Variants in SEMA3C observed in about 807,000 individuals in gnomAD.
The protein encoded by SEMA3C is semaphorin 3C.
In SEMA3C, 47 loss-of-function variants were observed where a neutral mutation model predicts 89.4. The ratio of observed to expected loss-of-function variants is 0.53; its 90% CI spans 0.42 to 0.67. The LOEUF is 0.67. Ranked by LOEUF, SEMA3C falls within the 30% of genes least tolerant of loss-of-function variation. The pLI, the probability that SEMA3C is intolerant of heterozygous loss-of-function variation, is 0.00. For missense variants in SEMA3C, 839 were observed against 929.1 expected, an observed-to-expected ratio of 0.90 and a Z score of 1.26; for synonymous variants, 310 against 320.2, an observed-to-expected ratio of 0.97 and a Z score of 0.34.
chr7:80,797,318 A>C (rs1789088424), intron 11 of SEMA3C, among the ~76,000 whole-genome samples: 1 of 152,162 alleles, frequency 6.6e-6, no homozygotes, highest in African/African-American at 2.4e-5. Context: ...ACTGTTATCA[A>C]TGGACCCTTA....
intron 9 of SEMA3C, 148 bp downstream of exon 9, chr7:80,802,517 T>C (rs1170101257): frequency 7.1e-5 from 38 of 536,506 alleles, no homozygotes; most frequent in Non-Finnish European, 6.9e-5. Flanking sequence ...TAAGAAAATT[T>C]ATGAACAGTA....
At chr7:80,771,740 C>T (rs1385429011) in intron 12 of SEMA3C, among the ~76,000 whole-genome samples, 1 of 152,136 alleles carries the variant, frequency 6.6e-6, no homozygotes, top group African/African-American at 2.4e-5. Context: ...TTCCCCTGCG[C>T]TTCTGAGGGA....
At chr7:80,815,178 A>G (rs1319338808) in intron 5 of SEMA3C, among the ~76,000 whole-genome samples, 2 of 152,170 alleles carry the variant, frequency 1.3e-5, no homozygotes, top group Non-Finnish European at 2.9e-5. Flanking sequence ...GTAGGTGGTG[A>G]AAAATTAAAA....
chr7:80,782,883 C>A (rs1460968959), intron 12 of SEMA3C, among the ~76,000 whole-genome samples: 1 of 152,018 alleles, frequency 6.6e-6, no homozygotes, highest in Non-Finnish European at 1.5e-5. Flanking sequence ...AAGATAAGCA[C>A]TGCAGATAAA....
chr7:80,889,752 C>A (rs2116142690), intron 2 of SEMA3C, among the ~76,000 whole-genome samples: 1 of 152,062 alleles, frequency 6.6e-6, no homozygotes, highest in South Asian at 2.1e-4. Flanking sequence ...AAAAAAGATT[C>A]TTTTTTTCTT....
At chr7:80,782,868 G>C (rs1165559833) in intron 12 of SEMA3C, among the ~76,000 whole-genome samples, 2 of 151,852 alleles carry the variant, frequency 1.3e-5, no homozygotes, top group East Asian at 3.9e-4. Flanking sequence ...TAGCATTACT[G>C]GAAAAAGATA....
intron 2 of SEMA3C, among the ~76,000 whole-genome samples, chr7:80,863,660 C>CATATATATAT (rs57236307): frequency 6.7e-4 from 99 of 147,328 alleles, no homozygotes; most frequent in Middle Eastern, 3.6e-3. Flanking sequence ...ATATATATCA[C>CATATATATAT]ATATATATAT....
intron 2 of SEMA3C, among the ~76,000 whole-genome samples, chr7:80,844,859 AAG>A (rs1279466683): frequency 1.3e-5 from 2 of 152,196 alleles, no homozygotes; most frequent in Non-Finnish European, 2.9e-5. Flanking sequence ...GAAATGTGCT[AAG>A]GAGTTAGCAC....
chr7:80,778,163 C>T (rs1169667132), intron 12 of SEMA3C, among the ~76,000 whole-genome samples: 1 of 152,134 alleles, frequency 6.6e-6, no homozygotes, highest in Non-Finnish European at 1.5e-5. Context: ...AGAATATTCA[C>T]ATAGGGCCTC....
chr7:80,761,596 TA>T lies in SEMA3C; in HGVS notation c.1485+19del. On this transcript the variant is annotated intron_variant, in intron 14 of 17. Transcript: ENST00000265361. The stretch of plus-strand genomic sequence containing the variant: ...AAAACATTTCAATAAGCAAAGAACA[TA>T]AAATAGCTTAGTTTTTACCTTTTTA... 1.7e-6 allele frequency: 2 copies of T among 1,210,512 alleles called. No individual in the cohort carries two copies. The highest frequency in any genetic ancestry group is 1.5e-5 in the African/African-American group (1 of 64,582). 75.0% of individuals were successfully genotyped at this position (1,210,512 alleles called of 1,614,324 possible). A position where few individuals can be genotyped will look rare whatever the true frequency, so the allele number is the denominator to read the frequency against.
chr7:80,810,758 T>C (rs1440228369), intron 5 of SEMA3C, 57 bp from the exon 6 acceptor site: 11 of 1,300,672 alleles, frequency 8.5e-6, no homozygotes, highest in African/African-American at 7.3e-5. Flanking sequence ...GTGAAGACAA[T>C]TGTTCATTAG....
intron 2 of SEMA3C, among the ~76,000 whole-genome samples, chr7:80,906,761 TAAA>T (rs1025004967): frequency 1.3e-5 from 2 of 151,940 alleles, no homozygotes; most frequent in African/African-American, 4.8e-5. Context: ...CTGTTGAAAA[TAAA>T]AACATTATAA....
intron 2 of SEMA3C, among the ~76,000 whole-genome samples, chr7:80,846,419 C>T (rs867861939): frequency 6.6e-6 from 1 of 152,136 alleles, no homozygotes; most frequent in African/African-American, 2.4e-5. Flanking sequence ...TGCAGTTGCA[C>T]GATCACAGTT....
chr7:80,790,162 C>A (rs528394463), intron 11 of SEMA3C, among the ~76,000 whole-genome samples: 2 of 152,054 alleles, frequency 1.3e-5, no homozygotes, highest in Non-Finnish European at 1.5e-5. Flanking sequence ...TGCATGCCTG[C>A]GATCCCAACT....
intron 2 of SEMA3C, among the ~76,000 whole-genome samples, chr7:80,862,790 A>G (rs1450152863): frequency 6.6e-6 from 1 of 152,150 alleles, no homozygotes; most frequent in Non-Finnish European, 1.5e-5. Context: ...ATAAACCCAA[A>G]TACTTACAGT....
chr7:80,762,543 G>A (rs1788208994), intron 13 of SEMA3C, among the ~76,000 whole-genome samples: 1 of 152,178 alleles, frequency 6.6e-6, no homozygotes, highest in South Asian at 2.1e-4. Flanking sequence ...TTCTGGTGGG[G>A]TGCAGTGGCT....
chr7:80,873,184 C>G (rs903808683), intron 2 of SEMA3C, among the ~76,000 whole-genome samples: 1 of 152,114 alleles, frequency 6.6e-6, no homozygotes, highest in Non-Finnish European at 1.5e-5. Context: ...TAGGCACCAG[C>G]TGGAAAAATG....
At chr7:80,773,920 G>A (rs533841554) in intron 12 of SEMA3C, among the ~76,000 whole-genome samples, 2 of 152,296 alleles carry the variant, frequency 1.3e-5, no homozygotes, top group Non-Finnish European at 2.9e-5. Flanking sequence ...GAAGAGAAAA[G>A]CTGGATGAAG....
At chr7:80,863,016 C>T (rs764587110) in intron 2 of SEMA3C, among the ~76,000 whole-genome samples, 1 of 152,026 alleles carries the variant, frequency 6.6e-6, no homozygotes, top group Non-Finnish European at 1.5e-5. Flanking sequence ...GAAAACCCTT[C>T]TAGACTAAGG....
Sources: allele counts gnomAD v4.1 joint callset (sites outside exome capture counted in the v4.1 genomes callset), GRCh38; gene constraint gnomAD v4.1.1; transcripts MANE v1.5; gene names NCBI Gene and HGNC (gene_info 2026-07-23, HGNC 2026-07-21).